Variants in ZNF157 observed in about 807,000 individuals in gnomAD.
The protein encoded by ZNF157 is zinc finger protein 157.
ZNF157 carries 8 observed loss-of-function variants against 9.4 expected under a neutral mutation model. The observed-to-expected ratio is 0.85, with a 90% CI of 0.50 to 1.53. ZNF157 has a LOEUF of 1.53. Ranked by LOEUF, ZNF157 falls within the 40% of genes most tolerant of loss-of-function variation. The pLI is 0.00. For missense variants in ZNF157, 316 were observed against 385.2 expected, an observed-to-expected ratio of 0.82 and a Z score of 1.50; for synonymous variants, 120 against 130.8, an observed-to-expected ratio of 0.92 and a Z score of 0.56.
chrX:47,395,305 G>T (rs1049675672), intron 1 of ZNF157, among the ~76,000 whole-genome samples: 4 of 111,921 alleles, frequency 3.6e-5, no homozygotes, highest in African/African-American at 1.3e-4. Context: ...CTGCCTTGGC[G>T]TCTTGAATAG....
intron 1 of ZNF157, among the ~76,000 whole-genome samples, chrX:47,407,296 ATTTTC>A (rs2055950067): frequency 8.9e-6 from 1 of 112,010 alleles, no homozygotes; most frequent in Non-Finnish European, 1.9e-5. Context: ...TTGGACTGCA[ATTTTC>A]TTTTCTTGTC....
Position 47,414,358 on chromosome X carries a change from C to T in ZNF157, c.*764C>T, listed in dbSNP as rs1253648089. 2 of 111,619 alleles carry T rather than the reference C, an allele frequency of 1.8e-5. No homozygotes were observed. Among genetic ancestry groups the T allele is most frequent in the Non-Finnish European group, 3.8e-5 (2 of 53,188 alleles). 9.2% of individuals were successfully genotyped at this position (111,619 alleles called of 1,213,427 possible). A position where few individuals can be genotyped will look rare whatever the true frequency, so the allele number is the denominator to read the frequency against. ...ATCAGTTTCAAGGTGATAATATTCA[C>T]CTATACTTTCCTCTAAAGGTTTTCC... is the stretch of plus-strand genomic sequence containing the variant. On this transcript the variant is annotated 3_prime_UTR_variant, in exon 4 of 4. Transcript: ENST00000377073.
At chrX:47,388,334 T>G (rs2055886316) in intron 1 of ZNF157, among the ~76,000 whole-genome samples, 2 of 109,849 alleles carry the variant, frequency 1.8e-5, no homozygotes, top group Non-Finnish European at 3.8e-5. Flanking sequence ...TCCTCCCGCC[T>G]CAGCCTCCCA....
chrX:47,384,254 GT>G (rs199597536), intron 1 of ZNF157, among the ~76,000 whole-genome samples: 56 of 111,151 alleles, frequency 5.0e-4, no homozygotes, highest in African/African-American at 1.7e-3. Context: ...AAATAAATAA[GT>G]TTTTTTTAAA....
chrX:47,396,479 C>T (rs2055913706), intron 1 of ZNF157, among the ~76,000 whole-genome samples: 1 of 110,365 alleles, frequency 9.1e-6, no homozygotes, highest in Non-Finnish European at 1.9e-5. Flanking sequence ...GCGGAGGTTG[C>T]AGTGAGCCGA....
At chrX:47,391,547 C>T (rs1263856135) in intron 1 of ZNF157, among the ~76,000 whole-genome samples, 1 of 111,195 alleles carries the variant, frequency 9.0e-6, no homozygotes, top group Non-Finnish European at 1.9e-5. Flanking sequence ...GATTTTTTTT[C>T]CCCTCTCCTC....
At position 47,410,431 on chromosome X, in the gene ZNF157, A is replaced by G. The variant is rs184415828; in HGVS notation, c.199+29A>G. 2.0e-5 allele frequency: 24 copies of G among 1,202,495 alleles called. No individual in the cohort carries two copies. The Admixed American group carries it at 4.4e-4, about 22-fold the overall frequency. On this transcript the variant is annotated intron_variant, in intron 2 of 3. Coordinates refer to ENST00000377073, the MANE Select transcript of ZNF157 (RefSeq NM_003446.4). ...AGGATGATTGTCCGTGTAACTCCTGAGAGCGTGTGTTTCCTTTCTTGGTTG... is the reference window on the plus strand; with the variant it reads ...AGGATGATTGTCCGTGTAACTCCTGGGAGCGTGTGTTTCCTTTCTTGGTTG...
At chrX:47,383,093 G>A (rs1419102571) in intron 1 of ZNF157, among the ~76,000 whole-genome samples, 1 of 110,307 alleles carries the variant, frequency 9.1e-6, no homozygotes, top group Non-Finnish European at 1.9e-5. Context: ...TGGGATGGCC[G>A]GGCGCAGTGG....
chrX:47,413,066 G>A lies in ZNF157; in HGVS notation c.993G>A (p.Glu331=), dbSNP rs1355526233. 8.3e-7 allele frequency: 1 copy of A among 1,209,240 alleles called. No individual in the cohort carries two copies. Among genetic ancestry groups the A allele is most frequent in the Admixed American group, 2.2e-5 (1 of 45,682 alleles). ...QRIHTGEKPY[E]CGECGKFFRM... is the part of the protein sequence containing the mutation. The stretch of plus-strand genomic sequence containing the variant: ...TTCACACAGGTGAGAAACCCTATGA[G>A]TGTGGTGAATGTGGGAAATTCTTCC... Residue 331 remains glutamate, a synonymous_variant, in exon 4 of 4, where the codon GAG becomes GAA. Transcript: ENST00000377073.
chrX:47,403,403 G>A (rs1307552432), intron 1 of ZNF157, among the ~76,000 whole-genome samples: 2 of 110,440 alleles, frequency 1.8e-5, no homozygotes, highest in Non-Finnish European at 3.8e-5. Flanking sequence ...GCAGGATCTC[G>A]GCTCACTGGA....
intron 1 of ZNF157, among the ~76,000 whole-genome samples, chrX:47,381,214 G>C (rs1307245146): frequency 3.7e-5 from 4 of 108,136 alleles, no homozygotes; most frequent in African/African-American, 1.3e-4. Context: ...GCAGGAGGAG[G>C]AGCAGCAGGA....
At position 47,410,752 on chromosome X, in the gene ZNF157, A is replaced by C; in HGVS notation, c.272A>C (p.Glu91Ala). ...RGEELWILEEESSGHGYSGSL... is the reference protein window; with the variant it reads ...RGEELWILEEASSGHGYSGSL... ...GAAGAGCTGTGGATATTAGAGGAGG[A>C]ATCCTCAGGCCATGGTTACTCAGGT... The change falls in exon 3 of 4, where the codon GAA becomes GCA. Residue 91 changes from glutamate (E) to alanine (A), a missense_variant. Transcript: ENST00000377073. The C allele has an allele frequency of 8.3e-7, 1 of 1,205,777 alleles. No individual in the cohort carries two copies. Among genetic ancestry groups the C allele is most frequent in the Non-Finnish European group, 1.1e-6 (1 of 892,389 alleles).
chrX:47,413,314 A>T lies in ZNF157; in HGVS notation c.1241A>T (p.Tyr414Phe). The T allele has an allele frequency of 8.3e-7, 1 of 1,211,736 alleles. No homozygotes were observed. Among genetic ancestry groups the T allele is most frequent in the Non-Finnish European group, 1.1e-6 (1 of 895,400 alleles). The change falls in exon 4 of 4, where the codon TAC (tyrosine) becomes TTC (phenylalanine). Residue 414 changes from tyrosine to phenylalanine, a missense_variant. Physicochemically the swap from Tyr to Phe is conservative, Grantham distance 22 (BLOSUM62 3). Coordinates refer to ENST00000377073, the MANE Select transcript of ZNF157 (RefSeq NM_003446.4). ...AGGATGCATTCAGGAGAGAAACCCT[A>T]CGAATGTAGTGAATGTGGGAAAATC... ...HQRMHSGEKP[Y>F]ECSECGKIFS... is the part of the protein sequence containing the mutation.
At chrX:47,394,791 C>T (rs905221215) in intron 1 of ZNF157, among the ~76,000 whole-genome samples, 2 of 111,077 alleles carry the variant, frequency 1.8e-5, no homozygotes, top group African/African-American at 6.5e-5. Flanking sequence ...CCTTCTGAGC[C>T]CTCCTCAGCA....
intron 1 of ZNF157, among the ~76,000 whole-genome samples, chrX:47,392,038 C>T (rs1232224477): frequency 9.2e-6 from 1 of 109,209 alleles, no homozygotes; most frequent in Non-Finnish European, 1.9e-5. Flanking sequence ...TACAGGCACC[C>T]GCCACCATGC....
At chrX:47,397,241 C>CTT (rs769178786) in intron 1 of ZNF157, among the ~76,000 whole-genome samples, 22 of 77,789 alleles carry the variant, frequency 2.8e-4, no homozygotes, top group Non-Finnish European at 3.7e-4. Context: ...TTTTTTCTTT[C>CTT]TTTTTTTTTT....
At chrX:47,387,372 C>T (rs1196225759) in intron 1 of ZNF157, among the ~76,000 whole-genome samples, 3 of 109,818 alleles carry the variant, frequency 2.7e-5, no homozygotes, top group African/African-American at 9.9e-5. Flanking sequence ...ATCCACCTGC[C>T]TCAGCCTCCC....
intron 1 of ZNF157, among the ~76,000 whole-genome samples, chrX:47,407,595 T>C (rs1031316164): frequency 8.9e-6 from 1 of 112,339 alleles, no homozygotes; most frequent in African/African-American, 3.2e-5. Flanking sequence ...TTCATCTAAG[T>C]TGGTGAATTT....
In ZNF157 at chrX:47,395,031, C is replaced by A. The variant is rs180994616; in HGVS notation, c.73-15245C>A. ...AGAGATGGGGTCTCACCATGTTGCC[C>A]AGGCTGGTCTTGAACTCCTGGGCTC... On this transcript the variant is annotated intron_variant, in intron 1 of 3. Transcript: ENST00000377073. Among the ~76,000 whole-genome samples, 122 of 111,257 alleles carry A rather than the reference C, an allele frequency of 1.1e-3. 1 individual carries two copies. The highest frequency in any genetic ancestry group is 3.7e-3 in the African/African-American group (114 of 30,637).
Sources: allele counts gnomAD v4.1 joint callset (sites outside exome capture counted in the v4.1 genomes callset), GRCh38; gene constraint gnomAD v4.1.1; transcripts MANE v1.5; gene names NCBI Gene and HGNC (gene_info 2026-07-23, HGNC 2026-07-21).